The following SOX7 variants were observed in gnomAD, a reference collection of about 807,000 sequenced individuals.
SOX7 encodes transcription factor SOX-7.
Under a neutral mutation model 24.9 loss-of-function variants are expected in SOX7, and 19 were observed. The observed-to-expected ratio is 0.76, with a 90% CI of 0.53 to 1.12. The LOEUF (loss-of-function observed/expected upper bound fraction) is 1.12. Among genes scored for constraint, SOX7 ranks in the 50% most tolerant of loss-of-function variants. The pLI, the probability that SOX7 is intolerant of heterozygous loss-of-function variation, is 0.00. For synonymous variants in SOX7, 327 were observed against 244.5 expected (o/e 1.34, Z -3.15); for missense variants, 702 against 535.0 (o/e 1.31, Z -3.08).
At chr8:10,726,729 C>T (rs1004211561) in intron 1 of SOX7, 63 bp from the exon 2 acceptor site, 9 of 1,408,480 alleles carry the variant, frequency 6.4e-6, no homozygotes, top group Non-Finnish European at 4.8e-6. Context: ...CGCACATGCA[C>T]ACGCGTGCAC....
rs1800163910 is a variant in SOX7 at position 10,726,719 on chromosome 8, CGCACATGCACACGCGTGCACACACACGT to C, written c.239-81_239-54del. ...GCTCAGTGCTGTGCCCCGCAGGCATCGCACATGCACACGCGTGCACACACACGTGCACATGCACACACACCTCCCTTCC... is the reference window on the plus strand; with the variant it reads ...GCTCAGTGCTGTGCCCCGCAGGCATCGCACATGCACACACACCTCCCTTCC... On this transcript the variant is annotated intron_variant, in intron 1 of 1. Transcript: ENST00000304501. 2.7e-6 allele frequency: 4 copies of C among 1,481,714 alleles called. No individual in the cohort carries two copies. In the East Asian group the frequency reaches 9.1e-5, roughly 34 times the overall value. The allele number at this position is 1,481,714 out of a possible 1,614,324, so 91.8% of individuals were successfully genotyped here.
At position 10,726,701 on chromosome 8, in the gene SOX7, G is replaced by A. The variant is rs543054823; in HGVS notation, c.239-35C>T. 3.3e-6 allele frequency: 5 copies of A among 1,525,550 alleles called. No homozygotes were observed. In the East Asian group the frequency reaches 9.0e-5, roughly 28 times the overall value. The allele number at this position is 1,525,550 out of a possible 1,614,324, so 94.5% of individuals were successfully genotyped here. A position where few individuals can be genotyped will look rare whatever the true frequency, so the allele number is the denominator to read the frequency against. Reference sequence around the variant, plus strand: ...CAAGGCAGAGGAGGCCATGCTCAGTGCTGTGCCCCGCAGGCATCGCACATG... The same window carrying A: ...CAAGGCAGAGGAGGCCATGCTCAGTACTGTGCCCCGCAGGCATCGCACATG... On this transcript the variant is annotated intron_variant, in intron 1 of 1. Transcript: ENST00000304501.
chr8:10,725,933 C>T lies in SOX7; in HGVS notation c.972G>A (p.Leu324=), dbSNP rs202026635. 8.1e-6 allele frequency: 13 copies of T among 1,613,752 alleles called. No individual in the cohort carries two copies. Among genetic ancestry groups the T allele is most frequent in the Non-Finnish European group, 1.1e-5 (13 of 1,179,800 alleles). The change falls in exon 2 of 2, where the codon CTG becomes CTA. Residue 324 remains leucine (L), a synonymous_variant. Transcript: ENST00000304501. ...ALDQLSQVEL[L]GDMDRNEFDQ... ...CGAATTCATTGCGATCCATGTCCCCCAGGAGTTCCACCTGGCTCAGTTGAT... is the reference window on the plus strand; with the variant it reads ...CGAATTCATTGCGATCCATGTCCCCTAGGAGTTCCACCTGGCTCAGTTGAT...
Position 10,724,236 on chromosome 8 carries a change from C to G in SOX7, c.*1502G>C, listed in dbSNP as rs1263359693. On this transcript the variant is annotated 3_prime_UTR_variant, in exon 2 of 2. Transcript: ENST00000304501. Reference sequence around the variant, plus strand: ...ATTTTGGGGGCAGGGGTCCAGGGCTCAGAAACATTTTTGGAATCACAGTGA... The same window carrying G: ...ATTTTGGGGGCAGGGGTCCAGGGCTGAGAAACATTTTTGGAATCACAGTGA... The G allele has an allele frequency of 6.6e-6, 1 of 152,138 alleles. No homozygotes were observed. The highest frequency in any genetic ancestry group is 1.5e-5 in the Non-Finnish European group (1 of 68,034). The allele number at this position is 152,138 out of a possible 1,614,324, so 9.4% of individuals were successfully genotyped here. A position where few individuals can be genotyped will look rare whatever the true frequency, so the allele number is the denominator to read the frequency against.
At position 10,726,138 on chromosome 8, in the gene SOX7, G is replaced by A. The variant is rs1423773856; in HGVS notation, c.767C>T (p.Pro256Leu). The change falls in exon 2 of 2, where the codon CCC becomes CTC. Residue 256 changes from proline (P) to leucine (L), a missense_variant. Coordinates refer to ENST00000304501, the MANE Select transcript of SOX7 (RefSeq NM_031439.4). ...CTGGCCAAGGGCCAGGGAGCCCAGG[G>A]GGTGGCTACAGTGGAGAGGGCTTGG... is the stretch of plus-strand genomic sequence containing the variant. ...YAPSPLHCSH[P>L]LGSLALGQSP... 6.3e-7 allele frequency: 1 copy of A among 1,587,568 alleles called. No individual in the cohort carries two copies. The highest frequency in any genetic ancestry group is 8.6e-7 in the Non-Finnish European group (1 of 1,167,388).
chr8:10,726,049 G>A lies in SOX7; in HGVS notation c.856C>T (p.Pro286Ser). ...GCPPSPAYYS[P>S]ATYHPLHSNL... The stretch of plus-strand genomic sequence containing the variant: ...GAGTGGAGTGGGTGGTAGGTGGCCG[G>A]GGAGTAATAGGCAGGAGATGGGGGA... Residue 286 changes from proline to serine, a missense_variant, in exon 2 of 2, where the codon CCG (proline) becomes TCG (serine). By Grantham distance (74) the Pro-to-Ser change is moderately conservative (BLOSUM62 -1). Transcript: ENST00000304501. 6.4e-7 allele frequency: 1 copy of A among 1,568,484 alleles called. No homozygotes were observed. Among genetic ancestry groups the A allele is most frequent in the Non-Finnish European group, 8.6e-7 (1 of 1,156,368 alleles).
Position 10,730,328 on chromosome 8 carries a change from G to C in SOX7, c.106C>G (p.Pro36Ala). 1 of 1,568,318 alleles carries C rather than the reference G, an allele frequency of 6.4e-7. No individual in the cohort carries two copies. The highest frequency in any genetic ancestry group is 1.4e-5 in the African/African-American group (1 of 70,570). The change falls in exon 1 of 2, where the codon CCG becomes GCG. Residue 36 changes from proline (P) to alanine (A), a missense_variant. Coordinates refer to ENST00000304501, the MANE Select transcript of SOX7 (RefSeq NM_031439.4). The surrounding 1 kb of genome is among the most constrained non-coding windows in gnomAD (Gnocchi z 4.8). ...GQSPPAVPRP[P>A]GDKGSESRIR... ...CGGCTCTCGGAGCCCTTGTCCCCCG[G>C]GGGCCGGGGGACGGCCGGCGGCGAT...
rs1171225939 is a variant in SOX7 at position 10,730,496 on chromosome 8, G to C, written c.-63C>G. On this transcript the variant is annotated 5_prime_UTR_variant, in exon 1 of 2. Transcript: ENST00000304501. The surrounding 1 kb of genome is among the most constrained non-coding windows in gnomAD (Gnocchi z 4.8). ...AGGCGCGGACCTGGCCCTCGCACGG[G>C]TCGGGGCGTCCAACTTGGCCCGCAG... is the stretch of plus-strand genomic sequence containing the variant. 3 of 1,211,826 alleles carry C rather than the reference G, an allele frequency of 2.5e-6. No individual in the cohort carries two copies. The East Asian group carries it at 9.5e-5, about 39-fold the overall frequency. The allele number at this position is 1,211,826 out of a possible 1,614,324, so 75.1% of individuals were successfully genotyped here. A position where few individuals can be genotyped will look rare whatever the true frequency, so the allele number is the denominator to read the frequency against.
intron 1 of SOX7, chr8:10,729,341 G>A (rs555420891): frequency 2.0e-5 from 3 of 152,362 alleles, no homozygotes; most frequent in Admixed American, 6.5e-5. Context: ...TGCTTTGAAA[G>A]TTTTTCGCGG....
At chr8:10,729,873 C>A (rs970524576) in intron 1 of SOX7, among the ~76,000 whole-genome samples, 1 of 152,114 alleles carries the variant, frequency 6.6e-6, no homozygotes, top group Non-Finnish European at 1.5e-5. Flanking sequence ...GCACGCCGGT[C>A]CCTGTCGCCA....
In SOX7 at chr8:10,727,954, G is replaced by A. The variant is rs1043753375; in HGVS notation, c.239-1288C>T. Among the ~76,000 whole-genome samples the A allele has an allele frequency of 4.6e-5, 7 of 152,354 alleles. No homozygotes were observed. The South Asian group carries it at 6.2e-4, about 14-fold the overall frequency. On this transcript the variant is annotated intron_variant, in intron 1 of 1. Transcript: ENST00000304501. ...GCCAGGGGCTCAGAGCCAGGGGAGGGCAATGATTAAGGGCATTGTACCAAT... is the reference window on the plus strand; with the variant it reads ...GCCAGGGGCTCAGAGCCAGGGGAGGACAATGATTAAGGGCATTGTACCAAT...
At position 10,725,702 on chromosome 8, in the gene SOX7, G is replaced by T; in HGVS notation, c.*36C>A. 1 of 1,610,194 alleles carries T rather than the reference G, an allele frequency of 6.2e-7. No individual in the cohort carries two copies. Among genetic ancestry groups the T allele is most frequent in the Non-Finnish European group, 8.5e-7 (1 of 1,177,356 alleles). On this transcript the variant is annotated 3_prime_UTR_variant, in exon 2 of 2. Transcript: ENST00000304501. ...TGCCACTCAAGGCACAAGAAGGAGA[G>T]GGCGCGAGGGCTGACCGGACGGGGC...
Position 10,725,863 on chromosome 8 carries a change from C to T in SOX7, c.1042G>A (p.Ala348Thr), listed in dbSNP as rs747829460. Residue 348 changes from alanine (A) to threonine (T), a missense_variant, in exon 2 of 2, where the codon GCC (alanine) becomes ACC (threonine). Physicochemically the swap from Ala to Thr is moderately conservative, Grantham distance 58 (BLOSUM62 0). Transcript: ENST00000304501. Reference sequence around the variant, plus strand: ...GGAACATGCCCACTGAGGGCCATGGCCCCTGTGGCGGAGTCTGGGTGGCCA... The same window carrying T: ...GGAACATGCCCACTGAGGGCCATGGTCCCTGTGGCGGAGTCTGGGTGGCCA... Reference protein sequence around the residue: ...TPGHPDSATGAMALSGHVPVS... With the variant: ...TPGHPDSATGTMALSGHVPVS... 1.5e-5 allele frequency: 25 copies of T among 1,614,080 alleles called. No individual in the cohort carries two copies. Among genetic ancestry groups the T allele is most frequent in the Non-Finnish European group, 1.9e-5 (22 of 1,180,034 alleles).
chr8:10,725,479 A>C lies in SOX7; in HGVS notation c.*259T>G. 4 of 533,240 alleles carry C rather than the reference A, an allele frequency of 7.5e-6. No individual in the cohort carries two copies. The highest frequency in any genetic ancestry group is 1.0e-5 in the Non-Finnish European group (3 of 299,610). 33.0% of individuals were successfully genotyped at this position (533,240 alleles called of 1,614,324 possible). A position where few individuals can be genotyped will look rare whatever the true frequency, so the allele number is the denominator to read the frequency against. On this transcript the variant is annotated 3_prime_UTR_variant, in exon 2 of 2. Coordinates refer to ENST00000304501, the MANE Select transcript of SOX7 (RefSeq NM_031439.4). Reference sequence around the variant, plus strand: ...GTGAACATTCCACTGGGAGACAGCAACTCTCAGGGGCTGGAGGAAAACTCA... The same window carrying C: ...GTGAACATTCCACTGGGAGACAGCACCTCTCAGGGGCTGGAGGAAAACTCA...
Position 10,724,130 on chromosome 8 carries a change from A to G in SOX7, c.*1608T>C, listed in dbSNP as rs1800097440. 1 of 152,250 alleles carries G rather than the reference A, an allele frequency of 6.6e-6. No individual in the cohort carries two copies. The highest frequency in any genetic ancestry group is 1.9e-4 in the East Asian group (1 of 5,204). The allele number at this position is 152,250 out of a possible 1,614,324, so 9.4% of individuals were successfully genotyped here. A position where few individuals can be genotyped will look rare whatever the true frequency, so the allele number is the denominator to read the frequency against. On this transcript the variant is annotated 3_prime_UTR_variant, in exon 2 of 2. Coordinates refer to ENST00000304501, the MANE Select transcript of SOX7 (RefSeq NM_031439.4). ...TATTTCATACAGGAAATAATATGCT[A>G]AAATCAAAAAACCAACAACTGTCTT...
At position 10,730,441 on chromosome 8, in the gene SOX7, C is replaced by A. The variant is rs778967436; in HGVS notation, c.-8G>T. ...TCCCAGCAGCGAAGCCATGGCCGCA[C>A]GCGGGTCGCCTCGCTTCGCCTGGCG... On this transcript the variant is annotated 5_prime_UTR_variant, in exon 1 of 2. Transcript: ENST00000304501. The surrounding 1 kb of genome is among the most constrained non-coding windows in gnomAD (Gnocchi z 4.8). 4 of 1,456,624 alleles carry A rather than the reference C, an allele frequency of 2.7e-6. No homozygotes were observed. The highest frequency in any genetic ancestry group is 3.0e-5 in the Admixed American group (1 of 33,130). 90.2% of individuals were successfully genotyped at this position (1,456,624 alleles called of 1,614,324 possible). A position where few individuals can be genotyped will look rare whatever the true frequency, so the allele number is the denominator to read the frequency against.
At chr8:10,728,026 T>C (rs115939465) in intron 1 of SOX7, among the ~76,000 whole-genome samples, 2,190 of 152,312 alleles carry the variant, frequency 0.014, 57 homozygotes, top group African/African-American at 0.05. Flanking sequence ...ATTAACATCA[T>C]TAGCTGTCAC....
Position 10,726,630 on chromosome 8 carries a change from C to G in SOX7, c.275G>C (p.Arg92Thr). The G allele has an allele frequency of 6.3e-7, 1 of 1,598,764 alleles. No homozygotes were observed. Among genetic ancestry groups the G allele is most frequent in the Non-Finnish European group, 8.5e-7 (1 of 1,176,166 alleles). The change falls in exon 2 of 2, where the codon AGG becomes ACG. Residue 92 changes from arginine (R) to threonine (T), a missense_variant. By Grantham distance (71) the Arg-to-Thr change is moderately conservative. Transcript: ENST00000304501. ...SWKALTLSQKRPYVDEAERLR... is the reference protein window; with the variant it reads ...SWKALTLSQKTPYVDEAERLR... ...CCGCTCCGCCTCGTCCACGTACGGC[C>G]TCTTCTGGGACAGCGTCAGCGCCTT...
chr8:10,729,479 C>T (rs1339387634), intron 1 of SOX7: 1 of 152,166 alleles, frequency 6.6e-6, no homozygotes, highest in East Asian at 1.9e-4. Flanking sequence ...AACAGCCTCA[C>T]TCTGGACCTC....
Sources: allele counts gnomAD v4.1 joint callset (sites outside exome capture counted in the v4.1 genomes callset), GRCh38; gene constraint gnomAD v4.1.1; non-coding constraint Gnocchi (gnomAD v3.1); transcripts MANE v1.5; gene names NCBI Gene and HGNC (gene_info 2026-07-23, HGNC 2026-07-21).